The following OPCML variants were observed in gnomAD, a reference collection of about 807,000 sequenced individuals.
The protein encoded by OPCML is opioid-binding protein/cell adhesion molecule.
OPCML carries 13 observed loss-of-function variants against 37.8 expected under a neutral mutation model. The observed-to-expected ratio is 0.34, with a 90% CI of 0.22 to 0.55. The LOEUF (loss-of-function observed/expected upper bound fraction) is 0.55, where lower values mean the gene tolerates loss of function less well. Among genes scored for constraint, OPCML ranks in the 20% least tolerant of loss-of-function variants. The probability of loss-of-function intolerance (pLI) is 0.91; values close to 1 mark genes in which losing one functional copy is unlikely to be tolerated. For synonymous variants in OPCML, 176 were observed against 168.8 expected, an observed-to-expected ratio of 1.04 and a Z score of -0.33; for missense variants, 341 against 435.6, an observed-to-expected ratio of 0.78 and a Z score of 1.93.
intron 1 of OPCML, among the ~76,000 whole-genome samples, chr11:133,380,834 T>C (rs947812325): frequency 1.3e-5 from 2 of 152,172 alleles, no homozygotes; most frequent in East Asian, 3.9e-4. Context: ...TAAGTAAATG[T>C]TTGAATCATC....
At chr11:132,913,556 A>G (rs1276361286) in intron 2 of OPCML, among the ~76,000 whole-genome samples, 2 of 152,166 alleles carry the variant, frequency 1.3e-5, no homozygotes, top group East Asian at 3.9e-4. Flanking sequence ...ATTAGAGCAG[A>G]AAGATGCACT....
chr11:132,974,261 T>C (rs1329514844), intron 1 of OPCML, among the ~76,000 whole-genome samples: 1 of 152,230 alleles, frequency 6.6e-6, no homozygotes, highest in African/African-American at 2.4e-5. Context: ...TCTCTATTAG[T>C]TTCCTCCTCA....
intron 1 of OPCML, among the ~76,000 whole-genome samples, chr11:133,413,212 C>T (rs1945686512): frequency 1.3e-5 from 2 of 151,652 alleles, no homozygotes; most frequent in South Asian, 2.1e-4. Context: ...TTGGAGAAGC[C>T]GGGAGACCGA....
chr11:133,146,393 C>T (rs1232442257), intron 1 of OPCML, among the ~76,000 whole-genome samples: 1 of 150,776 alleles, frequency 6.6e-6, no homozygotes, highest in Non-Finnish European at 1.5e-5. Context: ...TGGCTCACTG[C>T]AACCTCTGCC....
chr11:133,363,356 G>A (rs189403062), intron 1 of OPCML, among the ~76,000 whole-genome samples: 153 of 152,282 alleles, frequency 1.0e-3, no homozygotes, highest in African/African-American at 3.3e-3. Context: ...CGCACTAGAT[G>A]GCATTGTGGT....
At chr11:133,354,197 G>T (rs201576563) in intron 1 of OPCML, among the ~76,000 whole-genome samples, 1 of 22 alleles carries the variant, frequency 0.045, no homozygotes, top group Non-Finnish European at 0.12. Flanking sequence ...TTCACCAACC[G>T]GTTGATGGTG....
At chr11:133,158,506 C>T (rs1950096255) in intron 1 of OPCML, among the ~76,000 whole-genome samples, 1 of 151,756 alleles carries the variant, frequency 6.6e-6, no homozygotes, top group East Asian at 2.0e-4. Flanking sequence ...TAGAGACCAT[C>T]CTGGCCAACA....
chr11:133,002,919 G>A (rs1294157838), intron 1 of OPCML, among the ~76,000 whole-genome samples: 1 of 152,066 alleles, frequency 6.6e-6, no homozygotes, highest in East Asian at 1.9e-4. Flanking sequence ...TTGAACTTTA[G>A]AACAACTCCA....
At chr11:132,863,030 T>C (rs891462415) in intron 2 of OPCML, among the ~76,000 whole-genome samples, 2 of 152,194 alleles carry the variant, frequency 1.3e-5, no homozygotes, top group Non-Finnish European at 2.9e-5. Context: ...CTGCATACAC[T>C]GTATGCCTGT....
chr11:133,222,061 G>A (rs1259345761), intron 1 of OPCML, among the ~76,000 whole-genome samples: 1 of 152,142 alleles, frequency 6.6e-6, no homozygotes, highest in African/African-American at 2.4e-5. Context: ...AATCGGACAG[G>A]CTTCAGAATC....
At chr11:133,193,813 A>G (rs1485432598) in intron 1 of OPCML, among the ~76,000 whole-genome samples, 1 of 152,228 alleles carries the variant, frequency 6.6e-6, no homozygotes, top group African/African-American at 2.4e-5. Flanking sequence ...GAAGTCCTTG[A>G]GGGGAGATAA....
At chr11:132,743,108 G>T (rs1945489301) in intron 2 of OPCML, among the ~76,000 whole-genome samples, 1 of 152,104 alleles carries the variant, frequency 6.6e-6, no homozygotes, top group African/African-American at 2.4e-5. Flanking sequence ...CAGGGTTCTG[G>T]TGCATGACAA....
At chr11:132,851,156 T>C (rs1941792017) in intron 2 of OPCML, among the ~76,000 whole-genome samples, 1 of 152,260 alleles carries the variant, frequency 6.6e-6, no homozygotes, top group Non-Finnish European at 1.5e-5. Flanking sequence ...ATCACAGCTA[T>C]TTTTATATCC....
At position 132,419,833 on chromosome 11, in the gene OPCML, T is replaced by C. The variant is rs561454369; in HGVS notation, c.*360A>G. ...TCAGGGTGTTTATTGTGAGGCTCAA[T>C]TTTTGCCCAAATGAAACTTACGTTT... On this transcript the variant is annotated 3_prime_UTR_variant, in exon 8 of 8. Coordinates refer to ENST00000524381, the MANE Select transcript of OPCML (RefSeq NM_001012393.5). 1.4e-5 allele frequency: 3 copies of C among 215,810 alleles called. No homozygotes were observed. The South Asian group carries it at 3.0e-4, about 21-fold the overall frequency. The allele number at this position is 215,810 out of a possible 1,614,324, so 13.4% of individuals were successfully genotyped here. A position where few individuals can be genotyped will look rare whatever the true frequency, so the allele number is the denominator to read the frequency against.
At chr11:133,108,352 CTGGCTACACATTTACTTAG>C (rs1304321438) in intron 1 of OPCML, among the ~76,000 whole-genome samples, 15 of 152,114 alleles carry the variant, frequency 9.9e-5, no homozygotes, top group African/African-American at 3.6e-4. Flanking sequence ...GCACAGATAC[CTGGCTACACATTTACTTAG>C]TGGACTGTCG....
intron 4 of OPCML, among the ~76,000 whole-genome samples, chr11:132,498,214 A>G (rs902253871): frequency 1.3e-5 from 2 of 152,220 alleles, no homozygotes; most frequent in African/African-American, 4.8e-5. Context: ...GCATAAAGTG[A>G]TGTTACATAG....
chr11:132,852,235 A>G (rs1193660357), intron 2 of OPCML, among the ~76,000 whole-genome samples: 1 of 152,166 alleles, frequency 6.6e-6, no homozygotes, highest in East Asian at 1.9e-4. Flanking sequence ...CCACATTTTT[A>G]AAAATGGGGG....
chr11:133,401,553 T>C (rs1313040766), intron 1 of OPCML, among the ~76,000 whole-genome samples: 1 of 152,158 alleles, frequency 6.6e-6, no homozygotes, highest in Admixed American at 6.5e-5. Context: ...ACATCTTCTA[T>C]TTCTAAATGC....
intron 1 of OPCML, among the ~76,000 whole-genome samples, chr11:133,323,652 C>T (rs979628244): frequency 2.0e-5 from 3 of 152,310 alleles, no homozygotes; most frequent in Middle Eastern, 3.4e-3. Context: ...GAGGCATCCA[C>T]TAGGCCACCA....
Sources: gnomAD v4.1 joint callset for allele counts (sites outside exome capture counted in the v4.1 genomes callset) on GRCh38, gnomAD v4.1.1 for gene constraint, MANE v1.5 for transcripts, NCBI Gene and HGNC (gene_info 2026-07-23, HGNC 2026-07-21) for gene names.